DNAJC6: variants seen among roughly 807,000 people sequenced by gnomAD.
The protein encoded by DNAJC6 is DnaJ heat shock protein family (Hsp40) member C6.
A neutral mutation model predicts 110.0 loss-of-function variants in DNAJC6; 34 were observed. The ratio of observed to expected loss-of-function variants is 0.31; its 90% CI spans 0.24 to 0.41. The LOEUF is 0.41. DNAJC6 is among the 10% of genes least tolerant of loss of function. DNAJC6 has a pLI of 1.00. For synonymous variants in DNAJC6, 406 were observed against 437.2 expected (o/e 0.93, Z 0.89); for missense variants, 1,031 against 1,207.8 (o/e 0.85, Z 2.17).
chr1:65,357,808 G>A (rs1645558357), intron 1 of DNAJC6, among the ~76,000 whole-genome samples: 1 of 152,174 alleles, frequency 6.6e-6, no homozygotes, highest in South Asian at 2.1e-4. Context: ...CTCTACAGCT[G>A]TTGAGGAAGG....
At chr1:65,328,537 T>C (rs1450702964) in intron 1 of DNAJC6, among the ~76,000 whole-genome samples, 6 of 152,224 alleles carry the variant, frequency 3.9e-5, no homozygotes, top group Non-Finnish European at 8.8e-5. Context: ...TACTCATGTG[T>C]GTATGTTAAG....
chr1:65,329,971 G>C (rs1230567738), intron 1 of DNAJC6, among the ~76,000 whole-genome samples: 1 of 152,150 alleles, frequency 6.6e-6, no homozygotes, highest in African/African-American at 2.4e-5. Flanking sequence ...CCCTCATGCT[G>C]TACCTAAAAG....
At chr1:65,309,444 G>C, upstream of DNAJC6, 1 of 768,718 alleles carries the variant, frequency 1.3e-6, no homozygotes, top group Non-Finnish European at 1.6e-6. Context: ...CTGGGGCCCG[G>C]AGCTCGGCAG....
intron 1 of DNAJC6, among the ~76,000 whole-genome samples, chr1:65,299,632 C>T (rs1644959286): frequency 6.6e-6 from 1 of 152,130 alleles, no homozygotes; most frequent in South Asian, 2.1e-4. Flanking sequence ...TTATGTTATG[C>T]AATTTTAATA....
rs144446177 is a variant in DNAJC6, at chr1:65,401,855, T to A, written c.2202T>A (p.Asp734Glu). 1.9e-6 allele frequency: 3 copies of A among 1,613,778 alleles called. No individual in the cohort carries two copies. The highest frequency in any genetic ancestry group is 2.5e-6 in the Non-Finnish European group (3 of 1,179,940). Reference protein sequence around the residue: ...PTHQSKPQTLDPFADLGTLGS... With the variant: ...PTHQSKPQTLEPFADLGTLGS... ...ATCAAAGCAAACCCCAGACTCTGGATCCTTTTGCCGACCTTGGGACACTAG... is the reference window on the plus strand; with the variant it reads ...ATCAAAGCAAACCCCAGACTCTGGAACCTTTTGCCGACCTTGGGACACTAG... Residue 734 changes from aspartate (D) to glutamate (E), a missense_variant, in exon 15 of 19, where the codon GAT becomes GAA. Asp to Glu is a conservative substitution (Grantham distance 45). Coordinates refer to ENST00000371069, the MANE Select transcript of DNAJC6 (RefSeq NM_001256864.2).
chr1:65,335,888 G>T (rs567880892), intron 1 of DNAJC6, among the ~76,000 whole-genome samples: 1 of 152,248 alleles, frequency 6.6e-6, no homozygotes, highest in Admixed American at 6.5e-5. Context: ...CCACACCTTA[G>T]GGAGGCAAGG....
rs1283732039 is a variant in DNAJC6 at position 65,310,012 on chromosome 1, G to C, written c.193+74G>C. ...GAGCCTCCCAGTCGCCCGGCCCGAG[G>C]CCCCCCCGTGGTCCCCCAGCCCCGG... On this transcript the variant is annotated intron_variant, in intron 1 of 18. Transcript: ENST00000371069. 5 of 1,372,734 alleles carry C rather than the reference G, an allele frequency of 3.6e-6. No homozygotes were observed. The East Asian group carries it at 9.1e-5, about 25-fold the overall frequency. 85.0% of individuals were successfully genotyped at this position (1,372,734 alleles called of 1,614,324 possible). A position where few individuals can be genotyped will look rare whatever the true frequency, so the allele number is the denominator to read the frequency against.
At chr1:65,342,177 G>A (rs1027106648) in intron 1 of DNAJC6, among the ~76,000 whole-genome samples, 3 of 151,324 alleles carry the variant, frequency 2.0e-5, no homozygotes, top group Admixed American at 1.3e-4. Flanking sequence ...ACAGGCTTTG[G>A]AGTGAGACAG....
chr1:65,349,077 A>AAATATATATGTAAATATATATAT (rs1557534954), intron 1 of DNAJC6, among the ~76,000 whole-genome samples: 2 of 110,446 alleles, frequency 1.8e-5, no homozygotes, highest in African/African-American at 8.2e-5. Context: ...TACATATATA[A>AAATATATATGTAAATATATATAT]AAATATATAT....
At chr1:65,396,972 C>T (rs1417259015) in intron 13 of DNAJC6, among the ~76,000 whole-genome samples, 1 of 152,074 alleles carries the variant, frequency 6.6e-6, no homozygotes, top group Non-Finnish European at 1.5e-5. Flanking sequence ...AAGAGTACTA[C>T]CCTTTGTGTC....
chr1:65,331,984 G>C (rs1312430029), intron 1 of DNAJC6, among the ~76,000 whole-genome samples: 1 of 152,080 alleles, frequency 6.6e-6, no homozygotes, highest in African/African-American at 2.4e-5. Flanking sequence ...CCTTACTCTG[G>C]GGGGGCCTGG....
chr1:65,377,756 T>C (rs983068807), intron 4 of DNAJC6, among the ~76,000 whole-genome samples: 27 of 152,228 alleles, frequency 1.8e-4, no homozygotes, highest in Admixed American at 1.6e-3. Flanking sequence ...TAGTCGTATT[T>C]TGATTATTTA....
intron 1 of DNAJC6, among the ~76,000 whole-genome samples, chr1:65,275,413 G>A (rs1313321943): frequency 6.6e-6 from 1 of 152,110 alleles, no homozygotes; most frequent in Non-Finnish European, 1.5e-5. Context: ...ATTGTCTTCT[G>A]GTTTTCATCC....
chr1:65,311,959 A>C (rs1489065763), intron 1 of DNAJC6, among the ~76,000 whole-genome samples: 1 of 152,222 alleles, frequency 6.6e-6, no homozygotes, highest in African/African-American at 2.4e-5. Context: ...CAGTGGGGGC[A>C]GTAACTATAA....
intron 13 of DNAJC6, among the ~76,000 whole-genome samples, chr1:65,395,800 G>A (rs780370836): frequency 2.0e-5 from 3 of 152,196 alleles, no homozygotes; most frequent in Non-Finnish European, 2.9e-5. Flanking sequence ...GACTTAGGTT[G>A]TATAGAAAGA....
At chr1:65,401,063 A>G (rs1482348582) in intron 14 of DNAJC6, among the ~76,000 whole-genome samples, 2 of 151,922 alleles carry the variant, frequency 1.3e-5, no homozygotes, top group East Asian at 1.9e-4. Context: ...TTCTATGATG[A>G]TTAGTGTTGT....
intron 1 of DNAJC6, among the ~76,000 whole-genome samples, chr1:65,363,175 C>T (rs1198663837): frequency 6.6e-6 from 1 of 152,188 alleles, no homozygotes; most frequent in African/African-American, 2.4e-5. Flanking sequence ...GATCCAATCA[C>T]TTCCCACCAG....
intron 1 of DNAJC6, among the ~76,000 whole-genome samples, chr1:65,291,971 G>A (rs942452789): frequency 1.3e-5 from 2 of 151,380 alleles, no homozygotes; most frequent in African/African-American, 4.9e-5. Flanking sequence ...CCTTTCCTTC[G>A]TTCTTCCTTT....
At chr1:65,267,311 T>C (rs1304340577) in intron 1 of DNAJC6, among the ~76,000 whole-genome samples, 1 of 152,230 alleles carries the variant, frequency 6.6e-6, no homozygotes, top group Non-Finnish European at 1.5e-5. Context: ...GACAGGACTC[T>C]ATTTCTTTGG....
Sources: allele counts gnomAD v4.1 joint callset (sites outside exome capture counted in the v4.1 genomes callset), GRCh38; gene constraint gnomAD v4.1.1; transcripts MANE v1.5; gene names NCBI Gene and HGNC (gene_info 2026-07-23, HGNC 2026-07-21).